The following TMC1 variants were observed in gnomAD, a reference collection of about 807,000 sequenced individuals.
TMC1 encodes transmembrane channel like 1.
A neutral mutation model predicts 105.8 loss-of-function variants in TMC1; 84 were observed. The observed-to-expected ratio is 0.79, with a 90% confidence interval of 0.67 to 0.95. TMC1 has a LOEUF of 0.95. Among genes scored for constraint, TMC1 ranks in the 40% least tolerant of loss-of-function variants. The probability of loss-of-function intolerance (pLI) is 0.00; values close to 1 mark genes in which losing one functional copy is unlikely to be tolerated. For synonymous variants in TMC1, 315 were observed against 311.5 expected, an observed-to-expected ratio of 1.01 and a Z score of -0.12; for missense variants, 817 against 914.1, an observed-to-expected ratio of 0.89 and a Z score of 1.37.
At chr9:72,647,883 T>G (rs1336073354) in intron 4 of TMC1, among the ~76,000 whole-genome samples, 1 of 152,158 alleles carries the variant, frequency 6.6e-6, no homozygotes, top group Non-Finnish European at 1.5e-5. Context: ...CAGCCTTTTC[T>G]GCACCATTAC....
chr9:72,530,650 C>T (rs183195303), intron 1 of TMC1, among the ~76,000 whole-genome samples: 8 of 149,634 alleles, frequency 5.3e-5, no homozygotes, highest in Admixed American at 2.0e-4. Context: ...TTGTATTTTT[C>T]ATCTTTATAT....
At chr9:72,775,957 G>A (rs1028781781) in intron 13 of TMC1, among the ~76,000 whole-genome samples, 1 of 152,146 alleles carries the variant, frequency 6.6e-6, no homozygotes, top group Non-Finnish European at 1.5e-5. Context: ...TGCAAAAGAA[G>A]GCATTAATCT....
At chr9:72,698,822 G>T (rs1352602412) in intron 7 of TMC1, among the ~76,000 whole-genome samples, 2 of 152,220 alleles carry the variant, frequency 1.3e-5, no homozygotes, top group African/African-American at 2.4e-5. Flanking sequence ...TGATGAAGCT[G>T]GTTCTGCTAG....
intron 7 of TMC1, among the ~76,000 whole-genome samples, chr9:72,698,221 A>T (rs58023861): frequency 0.51 from 77,485 of 151,414 alleles, 21,126 homozygotes; most frequent in African/African-American, 0.73. Flanking sequence ...TCTTGAACCA[A>T]AATGATTATT....
At chr9:72,569,799 A>G (rs1266399457) in intron 1 of TMC1, among the ~76,000 whole-genome samples, 1 of 152,188 alleles carries the variant, frequency 6.6e-6, no homozygotes, top group Non-Finnish European at 1.5e-5. Context: ...CATTTTGTAG[A>G]GATGATGAAT....
chr9:72,647,476 A>G (rs1270882235), intron 4 of TMC1, among the ~76,000 whole-genome samples: 2 of 152,196 alleles, frequency 1.3e-5, no homozygotes, highest in East Asian at 1.9e-4. Flanking sequence ...AATAATTTGC[A>G]ACAAAACCTT....
At chr9:72,833,542 C>A (rs185799734) in intron 23 of TMC1, among the ~76,000 whole-genome samples, 6 of 152,196 alleles carry the variant, frequency 3.9e-5, no homozygotes, top group Admixed American at 3.9e-4. Flanking sequence ...GTTTTGGATA[C>A]TGTGTTTTCC....
In TMC1 at chr9:72,666,886, C is replaced by CCAAAACAAAA. The variant is rs111525479; in HGVS notation, c.16+18252_16+18261dup. Reference sequence around the variant, plus strand: ...GCAGCATAGGGAAATCCCATCTCTACCAAAACAAAACAAAACAAAACAAAA... The same window carrying CCAAAACAAAA: ...GCAGCATAGGGAAATCCCATCTCTACCAAAACAAAACAAAACAAAACAAAACAAAACAAAA... On this transcript the variant is annotated intron_variant, in intron 5 of 23. Coordinates refer to ENST00000297784, the MANE Select transcript of TMC1 (RefSeq NM_138691.3). Among the ~76,000 whole-genome samples, 313 of 148,096 alleles carry CCAAAACAAAA rather than the reference C, an allele frequency of 2.1e-3. 1 individual carries two copies. The highest frequency in any genetic ancestry group is 7.3e-3 in the African/African-American group (292 of 39,928).
chr9:72,718,118 T>C (rs1387937480), intron 8 of TMC1, among the ~76,000 whole-genome samples: 2 of 152,202 alleles, frequency 1.3e-5, no homozygotes, highest in Non-Finnish European at 2.9e-5. Flanking sequence ...TATCATATTT[T>C]TTTATTTCCT....
intron 11 of TMC1, among the ~76,000 whole-genome samples, chr9:72,754,372 A>G (rs1305038147): frequency 2.0e-5 from 3 of 152,212 alleles, no homozygotes; most frequent in Admixed American, 2.0e-4. Context: ...CATGAAGGAC[A>G]GAATCTCCCT....
At chr9:72,596,415 T>G (rs894461339) in intron 2 of TMC1, among the ~76,000 whole-genome samples, 7 of 152,092 alleles carry the variant, frequency 4.6e-5, no homozygotes, top group African/African-American at 1.7e-4. Context: ...CTAATCATGT[T>G]GTCCCACTCA....
Position 72,788,484 on chromosome 9 carries a change from G to A in TMC1, c.1029+1G>A. 3 of 1,613,954 alleles carry A rather than the reference G, an allele frequency of 1.9e-6. No individual in the cohort carries two copies. Among genetic ancestry groups the A allele is most frequent in the Non-Finnish European group, 2.5e-6 (3 of 1,179,862 alleles). On this transcript the variant is annotated splice_donor_variant, in intron 14 of 23. Coordinates refer to ENST00000297784, the MANE Select transcript of TMC1 (RefSeq NM_138691.3). LOFTEE classifies it high-confidence loss of function. Reference sequence around the variant, plus strand: ...TAATTCTATCACAATGAACTTTAAGGTAGAGGCACCAACTTCAAAAACCTG... The same window carrying A: ...TAATTCTATCACAATGAACTTTAAGATAGAGGCACCAACTTCAAAAACCTG...
intron 8 of TMC1, 71 bp downstream of exon 8, chr9:72,700,714 AT>A: frequency 2.4e-5 from 2 of 81,804 alleles, no homozygotes; most frequent in Non-Finnish European, 6.0e-5. Flanking sequence ...TGAATATTCC[AT>A]ATATATATAT....
chr9:72,621,141 C>A (rs986331693), intron 3 of TMC1, among the ~76,000 whole-genome samples: 1 of 152,134 alleles, frequency 6.6e-6, no homozygotes, highest in Non-Finnish European at 1.5e-5. Flanking sequence ...TCTTGAGATA[C>A]AATACAATCT....
intron 8 of TMC1, among the ~76,000 whole-genome samples, chr9:72,701,579 C>T (rs1826647315): frequency 6.6e-6 from 1 of 152,104 alleles, no homozygotes; most frequent in Non-Finnish European, 1.5e-5. Context: ...GCCTATTTAA[C>T]TAGTAATGCT....
At chr9:72,826,236 T>C (rs1012648897) in intron 20 of TMC1, among the ~76,000 whole-genome samples, 1 of 152,216 alleles carries the variant, frequency 6.6e-6, no homozygotes, top group Admixed American at 6.5e-5. Flanking sequence ...CTGTTCTCAG[T>C]TTTCTAGTTT....
rs113380147 is a variant in TMC1 at position 72,610,064 on chromosome 9, A to C, written c.-305-6304A>C. Among the ~76,000 whole-genome samples the C allele has an allele frequency of 2.0e-3, 298 of 152,322 alleles. 1 individual carries two copies. The highest frequency in any genetic ancestry group is 6.9e-3 in the African/African-American group (286 of 41,576). ...CAGGACACCATTTTGCATACCTAGC[A>C]CAATACCTACCACATAGTAGACATT... On this transcript the variant is annotated intron_variant, in intron 2 of 23. Transcript: ENST00000297784.
chr9:72,604,227 A>G (rs1184774810), intron 2 of TMC1, among the ~76,000 whole-genome samples: 1 of 152,202 alleles, frequency 6.6e-6, no homozygotes, highest in African/African-American at 2.4e-5. Context: ...CCAATTTATC[A>G]CAATGGAAGA....
chr9:72,588,511 T>A (rs990316928), intron 2 of TMC1, among the ~76,000 whole-genome samples: 1 of 152,092 alleles, frequency 6.6e-6, no homozygotes, highest in African/African-American at 2.4e-5. Context: ...GACCACCTAC[T>A]CCCAGCCTCT....
Sources: gnomAD v4.1 joint callset for allele counts (sites outside exome capture counted in the v4.1 genomes callset) on GRCh38, gnomAD v4.1.1 for gene constraint, MANE v1.5 for transcripts, NCBI Gene and HGNC (gene_info 2026-07-23, HGNC 2026-07-21) for gene names.